The following ARL8A variants were observed in gnomAD, a reference collection of about 807,000 sequenced individuals.
ARL8A encodes ADP-ribosylation factor-like protein 8A.
In ARL8A, 10 loss-of-function variants were observed where a neutral mutation model predicts 31.2. The ratio of observed to expected loss-of-function variants is 0.32; its 90% CI spans 0.20 to 0.54. The LOEUF (loss-of-function observed/expected upper bound fraction) is 0.54, where lower values mean the gene tolerates loss of function less well. Ranked by LOEUF, ARL8A falls within the 20% of genes least tolerant of loss-of-function variation. The pLI, the probability that ARL8A is intolerant of heterozygous loss-of-function variation, is 0.93. For missense variants in ARL8A, 129 were observed against 242.8 expected, an observed-to-expected ratio of 0.53 and a Z score of 3.12; for synonymous variants, 70 against 86.9, an observed-to-expected ratio of 0.81 and a Z score of 1.08.
Position 202,138,484 on chromosome 1 carries a change from A to C in ARL8A, c.124-36T>G, listed in dbSNP as rs534359887. The C allele has an allele frequency of 4.4e-6, 7 of 1,591,424 alleles. No individual in the cohort carries two copies. In the African/African-American group the frequency reaches 8.0e-5, roughly 18 times the overall value. On this transcript the variant is annotated intron_variant, in intron 1 of 6. Coordinates refer to ENST00000272217, the MANE Select transcript of ARL8A (RefSeq NM_138795.4). This position sits in a 1 kb window ranked among gnomAD's most constrained non-coding sequence, Gnocchi z 4.4. Reference sequence around the variant, plus strand: ...GACTCAGAATGGGAAACAGTGCAAAAATCGATATGCCCCCACCGCAGACCA... The same window carrying C: ...GACTCAGAATGGGAAACAGTGCAAACATCGATATGCCCCCACCGCAGACCA...
chr1:202,134,276 G>T lies in ARL8A; in HGVS notation c.*191C>A. The T allele has an allele frequency of 3.5e-6, 2 of 575,118 alleles. No homozygotes were observed. Among genetic ancestry groups the T allele is most frequent in the South Asian group, 2.0e-5 (1 of 49,428 alleles). 35.6% of individuals were successfully genotyped at this position (575,118 alleles called of 1,614,324 possible). A position where few individuals can be genotyped will look rare whatever the true frequency, so the allele number is the denominator to read the frequency against. On this transcript the variant is annotated 3_prime_UTR_variant, in exon 7 of 7. Coordinates refer to ENST00000272217, the MANE Select transcript of ARL8A (RefSeq NM_138795.4). The surrounding 1 kb of genome is among the most constrained non-coding windows in gnomAD (Gnocchi z 4.2). ...GGGTGAGAAGTTAGGGGACCAGAATGGGGGGCAATTTATTTTACAATAAAA... is the reference window on the plus strand; with the variant it reads ...GGGTGAGAAGTTAGGGGACCAGAATTGGGGGCAATTTATTTTACAATAAAA...
Position 202,138,237 on chromosome 1 carries a change from C to T in ARL8A, c.204+131G>A. ...TTTTCCCAGCTCCTCAGCAGGGGGA[C>T]CCTGGCCTCTGCCCCACTTCAGCTC... On this transcript the variant is annotated intron_variant, in intron 2 of 6. Coordinates refer to ENST00000272217, the MANE Select transcript of ARL8A (RefSeq NM_138795.4). The surrounding 1 kb of genome is among the most constrained non-coding windows in gnomAD (Gnocchi z 4.4). 6 of 1,198,770 alleles carry T rather than the reference C, an allele frequency of 5.0e-6. No homozygotes were observed. The highest frequency in any genetic ancestry group is 1.5e-5 in the African/African-American group (1 of 66,322). The allele number at this position is 1,198,770 out of a possible 1,614,324, so 74.3% of individuals were successfully genotyped here. A position where few individuals can be genotyped will look rare whatever the true frequency, so the allele number is the denominator to read the frequency against.
chr1:202,135,084 C>A lies in ARL8A; in HGVS notation c.511+66G>T. 4 of 1,492,442 alleles carry A rather than the reference C, an allele frequency of 2.7e-6. No individual in the cohort carries two copies. Among genetic ancestry groups the A allele is most frequent in the South Asian group, 1.1e-5 (1 of 87,896 alleles). 92.4% of individuals were successfully genotyped at this position (1,492,442 alleles called of 1,614,324 possible). A position where few individuals can be genotyped will look rare whatever the true frequency, so the allele number is the denominator to read the frequency against. On this transcript the variant is annotated intron_variant, in intron 6 of 6. Coordinates refer to ENST00000272217, the MANE Select transcript of ARL8A (RefSeq NM_138795.4). The surrounding 1 kb of genome is among the most constrained non-coding windows in gnomAD (Gnocchi z 5.3). ...TTCAGGGAAAGTTGTGGAGCGAGAA[C>A]CTGAGAGCCACTAAAACACTCAGAA... is the stretch of plus-strand genomic sequence containing the variant.
intron 1 of ARL8A, among the ~76,000 whole-genome samples, chr1:202,143,742 T>A (rs893101084): frequency 1.2e-4 from 18 of 152,170 alleles, no homozygotes; most frequent in African/African-American, 4.3e-4. Context: ...CTACACCTCA[T>A]CCTCTCTTGT....
chr1:202,138,275 G>T lies in ARL8A; in HGVS notation c.204+93C>A. On this transcript the variant is annotated intron_variant, in intron 2 of 6. Coordinates refer to ENST00000272217, the MANE Select transcript of ARL8A (RefSeq NM_138795.4). This position sits in a 1 kb window ranked among gnomAD's most constrained non-coding sequence, Gnocchi z 4.4. Reference sequence around the variant, plus strand: ...CCCACTTCAGCTCGCTCCTCCCAGGGGCCTCCGTTGCCCTCCCCAACACAC... The same window carrying T: ...CCCACTTCAGCTCGCTCCTCCCAGGTGCCTCCGTTGCCCTCCCCAACACAC... 2 of 1,411,062 alleles carry T rather than the reference G, an allele frequency of 1.4e-6. No individual in the cohort carries two copies. Among genetic ancestry groups the T allele is most frequent in the Non-Finnish European group, 9.9e-7 (1 of 1,014,656 alleles). The allele number at this position is 1,411,062 out of a possible 1,614,324, so 87.4% of individuals were successfully genotyped here. A position where few individuals can be genotyped will look rare whatever the true frequency, so the allele number is the denominator to read the frequency against.
intron 1 of ARL8A, among the ~76,000 whole-genome samples, chr1:202,140,099 C>A (rs1655125461): frequency 6.6e-6 from 1 of 151,962 alleles, no homozygotes; most frequent in East Asian, 1.9e-4. Flanking sequence ...ACATGAAGAC[C>A]CCTGATATCC....
Position 202,138,459 on chromosome 1 carries a change from G to A in ARL8A, c.124-11C>T. The A allele has an allele frequency of 6.2e-7, 1 of 1,613,338 alleles. No homozygotes were observed. The highest frequency in any genetic ancestry group is 8.5e-7 in the Non-Finnish European group (1 of 1,179,316). On this transcript the variant is annotated splice_polypyrimidine_tract_variant and intron_variant, in intron 1 of 6. Coordinates refer to ENST00000272217, the MANE Select transcript of ARL8A (RefSeq NM_138795.4). This position sits in a 1 kb window ranked among gnomAD's most constrained non-coding sequence, Gnocchi z 4.4. ...GTTGAACTGTCCTGACTGGAAAGAA[G>A]ACTCAGAATGGGAAACAGTGCAAAA...
Position 202,144,496 on chromosome 1 carries a change from AC to A in ARL8A, c.76del (p.Val26SerfsTer14). The A allele has an allele frequency of 6.7e-7, 1 of 1,484,014 alleles. No homozygotes were observed. The highest frequency in any genetic ancestry group is 9.1e-7 in the Non-Finnish European group (1 of 1,099,412). 91.9% of individuals were successfully genotyped at this position (1,484,014 alleles called of 1,614,324 possible). On this transcript the variant is annotated frameshift_variant, in exon 1 of 7. Coordinates refer to ENST00000272217, the MANE Select transcript of ARL8A (RefSeq NM_138795.4). LOFTEE classifies it high-confidence loss of function. The surrounding 1 kb of genome is among the most constrained non-coding windows in gnomAD (Gnocchi z 5.2). ...GGTCTTGCCCGAGTACTGAAGCCCG[AC>A]CAGCGTGAGCTCCATCTCCTCCTTC... ...FWKEEMELTL[V>X]GLQYSGKTTF... is the part of the protein sequence containing the mutation.
intron 3 of ARL8A, among the ~76,000 whole-genome samples, chr1:202,136,066 G>A (rs1264843205): frequency 1.3e-5 from 2 of 152,100 alleles, no homozygotes; most frequent in East Asian, 1.9e-4. Flanking sequence ...GTGGAAAAGC[G>A]TGGGCCCTTT....
Position 202,135,887 on chromosome 1 carries a change from T to C in ARL8A, c.279-87A>G. On this transcript the variant is annotated intron_variant, in intron 3 of 6. Transcript: ENST00000272217. The surrounding 1 kb of genome is among the most constrained non-coding windows in gnomAD (Gnocchi z 5.3). The stretch of plus-strand genomic sequence containing the variant: ...AAGAGAAGGAGCTGCTGCTTGGAGG[T>C]GAAAGCATCTGTTGCAGCTTGGTCA... 7.9e-7 allele frequency: 1 copy of C among 1,261,326 alleles called. No individual in the cohort carries two copies. Among genetic ancestry groups the C allele is most frequent in the South Asian group, 1.2e-5 (1 of 81,838 alleles). The allele number at this position is 1,261,326 out of a possible 1,614,324, so 78.1% of individuals were successfully genotyped here. A position where few individuals can be genotyped will look rare whatever the true frequency, so the allele number is the denominator to read the frequency against.
chr1:202,135,338 GA>G lies in ARL8A; in HGVS notation c.441-119del. 2 of 1,465,552 alleles carry G rather than the reference GA, an allele frequency of 1.4e-6. No homozygotes were observed. The highest frequency in any genetic ancestry group is 1.9e-6 in the Non-Finnish European group (2 of 1,046,466). 90.8% of individuals were successfully genotyped at this position (1,465,552 alleles called of 1,614,324 possible). ...CTACAAAGGGGAGGGTGAGGTGCCT[GA>G]AAAGGTCGGCTCTGCTGCCACCGTG... On this transcript the variant is annotated intron_variant, in intron 5 of 6. Transcript: ENST00000272217. The surrounding 1 kb of genome is among the most constrained non-coding windows in gnomAD (Gnocchi z 5.3).
intron 1 of ARL8A, among the ~76,000 whole-genome samples, chr1:202,139,005 C>T (rs1303347638): frequency 1.3e-5 from 2 of 152,144 alleles, no homozygotes; most frequent in East Asian, 1.9e-4. Flanking sequence ...CACTCTATAT[C>T]GTCTGCTTAT....
Position 202,138,226 on chromosome 1 carries a change from C to A in ARL8A, c.204+142G>T. On this transcript the variant is annotated intron_variant, in intron 2 of 6. Transcript: ENST00000272217. This position sits in a 1 kb window ranked among gnomAD's most constrained non-coding sequence, Gnocchi z 4.4. The stretch of plus-strand genomic sequence containing the variant: ...CTTCTACTGTCTTTTCCCAGCTCCT[C>A]AGCAGGGGGACCCTGGCCTCTGCCC... 1 of 1,169,664 alleles carries A rather than the reference C, an allele frequency of 8.5e-7. No individual in the cohort carries two copies. Among genetic ancestry groups the A allele is most frequent in the South Asian group, 1.4e-5 (1 of 73,120 alleles). The allele number at this position is 1,169,664 out of a possible 1,614,324, so 72.5% of individuals were successfully genotyped here. A position where few individuals can be genotyped will look rare whatever the true frequency, so the allele number is the denominator to read the frequency against.
chr1:202,134,356 T>A lies in ARL8A; in HGVS notation c.*111A>T. 3.4e-5 allele frequency: 37 copies of A among 1,092,262 alleles called. No individual in the cohort carries two copies. Among genetic ancestry groups the A allele is most frequent in the East Asian group, 7.8e-5 (3 of 38,484 alleles). The allele number at this position is 1,092,262 out of a possible 1,614,324, so 67.7% of individuals were successfully genotyped here. A position where few individuals can be genotyped will look rare whatever the true frequency, so the allele number is the denominator to read the frequency against. On this transcript the variant is annotated 3_prime_UTR_variant, in exon 7 of 7. Coordinates refer to ENST00000272217, the MANE Select transcript of ARL8A (RefSeq NM_138795.4). This position sits in a 1 kb window ranked among gnomAD's most constrained non-coding sequence, Gnocchi z 4.2. ...CTCTGGGGTCCCCAGAGGGCCCTCC[T>A]CACACTGGGTGAGGAGGGGTGGGCT...
chr1:202,134,374 G>T lies in ARL8A; in HGVS notation c.*93C>A. On this transcript the variant is annotated 3_prime_UTR_variant, in exon 7 of 7. Coordinates refer to ENST00000272217, the MANE Select transcript of ARL8A (RefSeq NM_138795.4). The surrounding 1 kb of genome is among the most constrained non-coding windows in gnomAD (Gnocchi z 4.2). ...GCCCTCCTCACACTGGGTGAGGAGG[G>T]GTGGGCTTAGGGGGACGACAGGGGT... 7.5e-7 allele frequency: 1 copy of T among 1,327,600 alleles called. No individual in the cohort carries two copies. Among genetic ancestry groups the T allele is most frequent in the Non-Finnish European group, 1.1e-6 (1 of 924,482 alleles). 82.2% of individuals were successfully genotyped at this position (1,327,600 alleles called of 1,614,324 possible).
chr1:202,136,122 A>C (rs991518712), intron 3 of ARL8A, among the ~76,000 whole-genome samples: 1 of 152,204 alleles, frequency 6.6e-6, no homozygotes, highest in Non-Finnish European at 1.5e-5. Flanking sequence ...TTATGTTTTC[A>C]TGGAAAGACT....
rs913987410 is a variant in ARL8A at position 202,133,506 on chromosome 1, G to A, written c.*961C>T. On this transcript the variant is annotated 3_prime_UTR_variant, in exon 7 of 7. Transcript: ENST00000272217. ...CATTTTCCAAACAGAGGTTAAATAT[G>A]AGCTGAAAAGTGTAAAAAAGGAAGA... 1.3e-5 allele frequency: 2 copies of A among 152,202 alleles called. No individual in the cohort carries two copies. Among genetic ancestry groups the A allele is most frequent in the African/African-American group, 4.8e-5 (2 of 41,456 alleles). 9.4% of individuals were successfully genotyped at this position (152,202 alleles called of 1,614,324 possible).
At position 202,134,037 on chromosome 1, in the gene ARL8A, GC is replaced by G; in HGVS notation, c.*429del. On this transcript the variant is annotated 3_prime_UTR_variant, in exon 7 of 7. Coordinates refer to ENST00000272217, the MANE Select transcript of ARL8A (RefSeq NM_138795.4). The surrounding 1 kb of genome is among the most constrained non-coding windows in gnomAD (Gnocchi z 4.2). ...ACTGCCCCCTCCCAGATCCTGAAAG[GC>G]CCCTGCAGCATCAAATGGTTGATTT... The G allele has an allele frequency of 6.6e-6, 1 of 152,576 alleles. No homozygotes were observed. The highest frequency in any genetic ancestry group is 1.5e-5 in the Non-Finnish European group (1 of 68,270). The allele number at this position is 152,576 out of a possible 1,614,324, so 9.5% of individuals were successfully genotyped here. A position where few individuals can be genotyped will look rare whatever the true frequency, so the allele number is the denominator to read the frequency against.
chr1:202,139,275 G>A (rs1655100007), intron 1 of ARL8A, among the ~76,000 whole-genome samples: 1 of 152,092 alleles, frequency 6.6e-6, no homozygotes, highest in South Asian at 2.1e-4. Context: ...TTGGAAGCAG[G>A]CTAAAGAGAT....
Sources: allele counts gnomAD v4.1 joint callset (sites outside exome capture counted in the v4.1 genomes callset), GRCh38; gene constraint gnomAD v4.1.1; non-coding constraint Gnocchi (gnomAD v3.1); transcripts MANE v1.5; gene names NCBI Gene and HGNC (gene_info 2026-07-23, HGNC 2026-07-21).